The following FMNL2 variants were observed in gnomAD, a reference collection of about 807,000 sequenced individuals.
FMNL2 encodes formin like 2.
A neutral mutation model predicts 130.2 loss-of-function variants in FMNL2; 51 were observed. The ratio of observed to expected loss-of-function variants is 0.39; its 90% confidence interval spans 0.31 to 0.49. The LOEUF is 0.49. Ranked by LOEUF, FMNL2 falls within the 20% of genes least tolerant of loss-of-function variation. The pLI, the probability that FMNL2 is intolerant of heterozygous loss-of-function variation, is 0.85. For synonymous variants in FMNL2, 465 were observed against 467.1 expected, an observed-to-expected ratio of 1.00 and a Z score of 0.06; for missense variants, 977 against 1,316.2, an observed-to-expected ratio of 0.74 and a Z score of 3.99.
chr2:152,449,699 G>A lies in FMNL2; in HGVS notation c.118-72244G>A, dbSNP rs569141880. Among the ~76,000 whole-genome samples the A allele has an allele frequency of 5.9e-5, 9 of 152,266 alleles. No individual in the cohort carries two copies. The East Asian group carries it at 1.5e-3, about 26-fold the overall frequency. ...GGTTACCTAGTGCAAACAGATTAAT[G>A]TAAGAGTTACGGCTTTTTAGAATAC... On this transcript the variant is annotated intron_variant, in intron 1 of 25. Transcript: ENST00000288670.
chr2:152,531,340 G>C (rs994549207), intron 2 of FMNL2, among the ~76,000 whole-genome samples: 3 of 152,116 alleles, frequency 2.0e-5, no homozygotes, highest in African/African-American at 7.2e-5. Flanking sequence ...CTTAATGATT[G>C]ATTTTGACCA....
chr2:152,346,018 G>GT (rs1009314254), intron 1 of FMNL2, among the ~76,000 whole-genome samples: 56 of 149,238 alleles, frequency 3.8e-4, no homozygotes, highest in South Asian at 8.5e-4. Flanking sequence ...AACACCTATA[G>GT]TTTTTTTTTT....
intron 10 of FMNL2, among the ~76,000 whole-genome samples, chr2:152,608,388 A>G (rs1389353324): frequency 7.2e-6 from 1 of 138,832 alleles, no homozygotes; most frequent in Non-Finnish European, 1.6e-5. Context: ...AAAAAAAAAA[A>G]AGTTTGGAGT....
At chr2:152,637,824 GAGGCTGAGGGAC>G (rs1682753240) in intron 23 of FMNL2, 150 bp downstream of exon 23, 4 of 656,958 alleles carry the variant, frequency 6.1e-6, no homozygotes, top group Admixed American at 5.5e-5. Context: ...TAGCTCTGTG[GAGGCTGAGGGAC>G]ATTATGGTCC....
At chr2:152,341,094 G>A (rs1681775565) in intron 1 of FMNL2, among the ~76,000 whole-genome samples, 1 of 152,194 alleles carries the variant, frequency 6.6e-6, no homozygotes, top group Admixed American at 6.5e-5. Flanking sequence ...TTAAGCAGAT[G>A]GGCGGGTGGG....
rs775284172 is a variant in FMNL2, at chr2:152,618,910, A to C, written c.1379A>C (p.Glu460Ala). 4 of 1,612,174 alleles carry C rather than the reference A, an allele frequency of 2.5e-6. No individual in the cohort carries two copies. Among genetic ancestry groups the C allele is most frequent in the East Asian group, 2.2e-5 (1 of 44,894 alleles). ...TLRKMVKEKE[E>A]AIQRQSTLEK... ...AGAAAAATGGTCAAAGAAAAAGAAG[A>C]AGCAATTCAAAGACAGTCTACCCTG... Residue 460 changes from glutamate (E) to alanine (A), a missense_variant, in exon 14 of 26, where the codon GAA (glutamate) becomes GCA (alanine). Glu to Ala is a moderately radical substitution (Grantham distance 107). Coordinates refer to ENST00000288670, the MANE Select transcript of FMNL2 (RefSeq NM_052905.4).
chr2:152,377,760 T>C (rs1684251502), intron 1 of FMNL2, among the ~76,000 whole-genome samples: 1 of 152,204 alleles, frequency 6.6e-6, no homozygotes, highest in Non-Finnish European at 1.5e-5. Context: ...TTACTTGGGA[T>C]TGCTAAAATA....
intron 8 of FMNL2, among the ~76,000 whole-genome samples, chr2:152,580,741 G>A (rs1347853430): frequency 6.6e-6 from 1 of 152,004 alleles, no homozygotes; most frequent in African/African-American, 2.4e-5. Context: ...TGTCTTTTTG[G>A]TAAGTATACC....
chr2:152,375,877 CTATA>C (rs61564333), intron 1 of FMNL2, among the ~76,000 whole-genome samples: 125 of 112,482 alleles, frequency 1.1e-3, no homozygotes, highest in African/African-American at 3.6e-3. Flanking sequence ...CTCTCTCTCT[CTATA>C]TATATATATA....
intron 1 of FMNL2, among the ~76,000 whole-genome samples, chr2:152,343,167 T>G (rs935696484): frequency 6.6e-6 from 1 of 152,216 alleles, no homozygotes; most frequent in African/African-American, 2.4e-5. Flanking sequence ...CTGTAACCAT[T>G]GCCACAGAAG....
chr2:152,483,846 C>T (rs776657099), intron 1 of FMNL2, among the ~76,000 whole-genome samples: 1 of 152,176 alleles, frequency 6.6e-6, no homozygotes, highest in South Asian at 2.1e-4. Context: ...TCTTGAGAAC[C>T]AGAGAAATGC....
intron 1 of FMNL2, among the ~76,000 whole-genome samples, chr2:152,510,671 C>T (rs997245382): frequency 4.6e-5 from 7 of 152,274 alleles, no homozygotes; most frequent in Middle Eastern, 3.4e-3. Flanking sequence ...TGGTCTTTTC[C>T]GCTACCACGA....
At chr2:152,462,743 T>C (rs1689316459) in intron 1 of FMNL2, among the ~76,000 whole-genome samples, 1 of 152,152 alleles carries the variant, frequency 6.6e-6, no homozygotes, top group Non-Finnish European at 1.5e-5. Context: ...AAAAAGAGAT[T>C]CAAAGGTTAG....
intron 1 of FMNL2, among the ~76,000 whole-genome samples, chr2:152,385,550 G>A (rs142974599): frequency 2.1e-3 from 325 of 152,314 alleles, no homozygotes; most frequent in African/African-American, 7.6e-3. Context: ...CGACCAGATG[G>A]TCATATAATG....
At chr2:152,637,373 C>T (rs1483167789) in intron 22 of FMNL2, among the ~76,000 whole-genome samples, 200 bp from the exon 23 acceptor site, 2 of 152,298 alleles carry the variant, frequency 1.3e-5, no homozygotes, top group East Asian at 3.9e-4. Context: ...CCCACTATTG[C>T]ATTCCTCGGA....
intron 6 of FMNL2, among the ~76,000 whole-genome samples, chr2:152,563,066 G>A (rs1421241044): frequency 6.6e-6 from 1 of 152,196 alleles, no homozygotes; most frequent in Non-Finnish European, 1.5e-5. Flanking sequence ...AGGGAGGGAT[G>A]TAACCCTGGA....
At chr2:152,408,088 T>C (rs1011308171) in intron 1 of FMNL2, among the ~76,000 whole-genome samples, 4 of 152,162 alleles carry the variant, frequency 2.6e-5, no homozygotes, top group African/African-American at 9.7e-5. Context: ...GTTTCTCTGG[T>C]AGGTGGATTA....
chr2:152,505,370 T>C (rs1692108179), intron 1 of FMNL2, among the ~76,000 whole-genome samples: 1 of 152,138 alleles, frequency 6.6e-6, no homozygotes, highest in African/African-American at 2.4e-5. Flanking sequence ...AGGAAAAAAA[T>C]GGATAGAATT....
chr2:152,609,048 G>A (rs1406923296), intron 10 of FMNL2, among the ~76,000 whole-genome samples: 1 of 152,162 alleles, frequency 6.6e-6, no homozygotes, highest in African/African-American at 2.4e-5. Flanking sequence ...GTGACACACA[G>A]CCCAGCCTGC....
Sources: allele counts gnomAD v4.1 joint callset (sites outside exome capture counted in the v4.1 genomes callset), GRCh38; gene constraint gnomAD v4.1.1; transcripts MANE v1.5; gene names NCBI Gene and HGNC (gene_info 2026-07-23, HGNC 2026-07-21).